The following PID1 variants were observed in gnomAD, a reference collection of about 807,000 sequenced individuals.
PID1 encodes the protein PTB-containing, cubilin and LRP1-interacting protein.
A neutral mutation model predicts 19.1 loss-of-function variants in PID1; 10 were observed. That is an observed-to-expected ratio of 0.52 (90% CI 0.32 to 0.89). PID1 has a LOEUF of 0.89. Ranked by LOEUF, PID1 falls within the 40% of genes least tolerant of loss-of-function variation. The pLI is 0.03. For synonymous variants in PID1, 130 were observed against 116.0 expected (o/e 1.12, Z -0.78); for missense variants, 248 against 285.3 (o/e 0.87, Z 0.94).
intron 2 of PID1, among the ~76,000 whole-genome samples, chr2:229,114,431 T>C (rs894033350): frequency 1.3e-5 from 2 of 152,108 alleles, no homozygotes; most frequent in African/African-American, 2.4e-5. Context: ...TCCTAAACCT[T>C]GCCAGAGATT....
chr2:229,137,037 T>G (rs751525199), intron 2 of PID1, among the ~76,000 whole-genome samples: 3 of 152,182 alleles, frequency 2.0e-5, no homozygotes, highest in Non-Finnish European at 2.9e-5. Context: ...GCGGGAGAAA[T>G]GCAAAGGGAA....
At chr2:229,222,969 C>T (rs1370990700) in intron 1 of PID1, among the ~76,000 whole-genome samples, 3 of 151,868 alleles carry the variant, frequency 2.0e-5, no homozygotes. Flanking sequence ...CAAATCACTT[C>T]CTGTTATGAG....
intron 1 of PID1, among the ~76,000 whole-genome samples, chr2:229,221,051 T>C (rs1229117230): frequency 6.6e-6 from 1 of 152,200 alleles, no homozygotes; most frequent in Non-Finnish European, 1.5e-5. Context: ...CTTGTATTGC[T>C]GTTTAACTGC....
chr2:229,052,897 T>C (rs1331834128), intron 2 of PID1, among the ~76,000 whole-genome samples: 1 of 152,214 alleles, frequency 6.6e-6, no homozygotes, highest in Non-Finnish European at 1.5e-5. Context: ...TAAGTAAGAA[T>C]TTTTTAAATA....
At chr2:229,175,066 C>G (rs1273904239) in intron 1 of PID1, among the ~76,000 whole-genome samples, 1 of 152,202 alleles carries the variant, frequency 6.6e-6, no homozygotes, top group African/African-American at 2.4e-5. Flanking sequence ...GGGAATAAGC[C>G]ATCTTGAAGT....
intron 1 of PID1, among the ~76,000 whole-genome samples, chr2:229,268,970 G>A (rs570457760): frequency 2.6e-5 from 4 of 151,062 alleles, no homozygotes; most frequent in South Asian, 2.1e-4. Flanking sequence ...TATAAATTAT[G>A]TGTTTTCAAG....
intron 1 of PID1, among the ~76,000 whole-genome samples, chr2:229,214,514 G>A (rs1691803845): frequency 6.6e-6 from 1 of 152,094 alleles, no homozygotes; most frequent in African/African-American, 2.4e-5. Context: ...GAAAAAACAG[G>A]ATTCTAGAAT....
chr2:229,129,745 A>C (rs868283858), intron 2 of PID1, among the ~76,000 whole-genome samples: 8 of 152,334 alleles, frequency 5.3e-5, no homozygotes, highest in Middle Eastern at 3.4e-3. Flanking sequence ...TAAGATGAGC[A>C]GAGAGAACCA....
At chr2:229,115,287 G>T (rs1364676155) in intron 2 of PID1, among the ~76,000 whole-genome samples, 1 of 151,714 alleles carries the variant, frequency 6.6e-6, no homozygotes, top group East Asian at 1.9e-4. Flanking sequence ...CAGGAGGATT[G>T]CTTGAGCCAA....
intron 2 of PID1, among the ~76,000 whole-genome samples, chr2:229,080,934 C>T (rs992991381): frequency 1.3e-5 from 2 of 152,188 alleles, no homozygotes; most frequent in Admixed American, 6.5e-5. Context: ...TCAGTGAGGA[C>T]ATCTTCCCAG....
At chr2:229,189,412 T>C (rs902213810) in intron 1 of PID1, among the ~76,000 whole-genome samples, 1 of 152,166 alleles carries the variant, frequency 6.6e-6, no homozygotes, top group Non-Finnish European at 1.5e-5. Flanking sequence ...CCTCAAATGG[T>C]GGCTGGCTGC....
At chr2:229,243,770 C>T (rs918038322) in intron 1 of PID1, among the ~76,000 whole-genome samples, 4 of 152,088 alleles carry the variant, frequency 2.6e-5, no homozygotes, top group Non-Finnish European at 4.4e-5. Context: ...TAATCTCAAT[C>T]ATCTTTATCT....
rs190182589 is a variant in PID1 at position 229,080,486 on chromosome 2, G to T, written c.178-54378C>A. Reference sequence around the variant, plus strand: ...CCTCACACTAAGACACAGACCACAAGTCACCTCCTCACCTCCTAGCCTTTT... The same window carrying T: ...CCTCACACTAAGACACAGACCACAATTCACCTCCTCACCTCCTAGCCTTTT... On this transcript the variant is annotated intron_variant, in intron 2 of 2. Coordinates refer to ENST00000392055, the MANE Select transcript of PID1 (RefSeq NM_001100818.2). Among the ~76,000 whole-genome samples the T allele has an allele frequency of 7.6e-4, 116 of 152,272 alleles. 2 individuals carry two copies. Among genetic ancestry groups the T allele is most frequent in the Admixed American group, 9.2e-4 (14 of 15,290 alleles).
intron 1 of PID1, among the ~76,000 whole-genome samples, chr2:229,237,060 G>A (rs935154270): frequency 6.7e-6 from 1 of 150,364 alleles, no homozygotes; most frequent in Non-Finnish European, 1.5e-5. Flanking sequence ...TAAGTATTTT[G>A]GAAATCTTGT....
rs189685801 is a variant in PID1, at chr2:229,238,388, C to G, written c.30+32626G>C. Among the ~76,000 whole-genome samples the G allele has an allele frequency of 8.7e-3, 1,325 of 152,242 alleles. 11 individuals carry two copies. The highest frequency in any genetic ancestry group is 0.012 in the Non-Finnish European group (812 of 68,018). ...TGATCTTGGAAAGTTTCAAAAACCG[C>G]AGGCCAGAGCCCAAAGATAAATTGG... On this transcript the variant is annotated intron_variant, in intron 1 of 2. Transcript: ENST00000392055.
intron 2 of PID1, among the ~76,000 whole-genome samples, chr2:229,114,493 C>T (rs549820602): frequency 1.3e-5 from 2 of 152,194 alleles, no homozygotes; most frequent in East Asian, 3.9e-4. Flanking sequence ...TGCTCAACAG[C>T]CCCCTAGCTT....
At chr2:229,098,368 A>G (rs369076856) in intron 2 of PID1, among the ~76,000 whole-genome samples, 37 of 152,360 alleles carry the variant, frequency 2.4e-4, no homozygotes, top group African/African-American at 7.9e-4. Context: ...TCAGGAATTT[A>G]GCAAATGTTC....
intron 2 of PID1, among the ~76,000 whole-genome samples, chr2:229,079,660 A>G (rs1035979117): frequency 1.3e-5 from 2 of 152,218 alleles, no homozygotes; most frequent in Non-Finnish European, 2.9e-5. Context: ...GTGGGTTTTT[A>G]GCATCTCCAG....
At chr2:229,253,177 AGACT>A (rs1196377919) in intron 1 of PID1, among the ~76,000 whole-genome samples, 1 of 152,224 alleles carries the variant, frequency 6.6e-6, no homozygotes, top group Admixed American at 6.5e-5. Context: ...AAGCTCAGAC[AGACT>A]AAGGCCATGT....
Sources: allele counts gnomAD v4.1 joint callset (sites outside exome capture counted in the v4.1 genomes callset), GRCh38; gene constraint gnomAD v4.1.1; transcripts MANE v1.5; gene names NCBI Gene and HGNC (gene_info 2026-07-23, HGNC 2026-07-21).